The following PRUNE2 variants were observed in gnomAD, a reference collection of about 807,000 sequenced individuals.
PRUNE2 encodes the protein prune homolog 2 with BCH domain, also known as protein prune homolog 2.
A neutral mutation model predicts 252.0 loss-of-function variants in PRUNE2; 164 were observed. The observed-to-expected ratio is 0.65, with a 90% CI of 0.57 to 0.74. The LOEUF is 0.74. PRUNE2 is among the 30% of genes least tolerant of loss of function. PRUNE2 has a pLI of 0.00. For synonymous variants in PRUNE2, 1,292 were observed against 1,350.2 expected (o/e 0.96, Z 0.94); for missense variants, 3,495 against 3,711.0 (o/e 0.94, Z 1.51).
At position 76,636,531 on chromosome 9, in the gene PRUNE2, A is replaced by T; in HGVS notation, c.8990T>A (p.Ile2997Asn). 1 of 1,555,366 alleles carries T rather than the reference A, an allele frequency of 6.4e-7. No homozygotes were observed. Among genetic ancestry groups the T allele is most frequent in the East Asian group, 2.4e-5 (1 of 42,102 alleles). Residue 2997 changes from isoleucine (I) to asparagine (N), a missense_variant, in exon 15 of 19, where the codon ATC (isoleucine) becomes AAC (asparagine). Coordinates refer to ENST00000376718, the MANE Select transcript of PRUNE2 (RefSeq NM_015225.3). ...RRLRKNLKSF[I>N]IVHPSWFIRT... The stretch of plus-strand genomic sequence containing the variant: ...GATGAACCAAGATGGATGAACAATG[A>T]TGAATGATTTCAAATTCTTCCTCAA...
rs1157834876 is a variant in PRUNE2 at position 76,706,808 on chromosome 9, G to C, written c.5466C>G (p.Phe1822Leu). Reference protein sequence around the residue: ...EDNSQLEMLGFSADSTEWWKA... With the variant: ...EDNSQLEMLGLSADSTEWWKA... ...TCCACCACTCAGTGCTATCAGCTGA[G>C]AAGCCCAGCATTTCCAGTTGAGAAT... The change falls in exon 8 of 19, where the codon TTC (phenylalanine) becomes TTG (leucine). Residue 1822 changes from phenylalanine to leucine, a missense_variant. Phe to Leu is a conservative substitution (Grantham distance 22). Coordinates refer to ENST00000376718, the MANE Select transcript of PRUNE2 (RefSeq NM_015225.3). 6.2e-7 allele frequency: 1 copy of C among 1,603,570 alleles called. No homozygotes were observed. Among genetic ancestry groups the C allele is most frequent in the Non-Finnish European group, 8.5e-7 (1 of 1,175,096 alleles).
intron 6 of PRUNE2, among the ~76,000 whole-genome samples, chr9:76,773,966 G>A (rs989686637): frequency 6.6e-6 from 1 of 152,036 alleles, no homozygotes. Flanking sequence ...AAAACTAAAC[G>A]AAATGACTCT....
intron 6 of PRUNE2, 125 bp from the exon 7 acceptor site, chr9:76,713,846 T>A: frequency 1.7e-6 from 1 of 600,444 alleles, no homozygotes; most frequent in Non-Finnish European, 2.7e-6. Flanking sequence ...GCAAGTGAAA[T>A]ACAGTTTGCT....
intron 1 of PRUNE2, among the ~76,000 whole-genome samples, chr9:76,889,567 G>A (rs964292214): frequency 2.6e-5 from 4 of 151,964 alleles, no homozygotes; most frequent in Non-Finnish European, 5.9e-5. Context: ...TGATCTTCCC[G>A]CCTCAGCCTC....
intron 9 of PRUNE2, among the ~76,000 whole-genome samples, chr9:76,693,338 T>G (rs2044991943): frequency 6.6e-6 from 1 of 151,844 alleles, no homozygotes; most frequent in African/African-American, 2.4e-5. Context: ...GATGGGCAAT[T>G]TTAGGTAATC....
chr9:76,887,436 C>T (rs2062170315), intron 1 of PRUNE2, among the ~76,000 whole-genome samples: 1 of 152,188 alleles, frequency 6.6e-6, no homozygotes, highest in South Asian at 2.1e-4. Flanking sequence ...TAGCTCTCAC[C>T]ACGTAGCAGA....
At chr9:76,848,788 A>G (rs2059799373) in intron 3 of PRUNE2, among the ~76,000 whole-genome samples, 1 of 152,252 alleles carries the variant, frequency 6.6e-6, no homozygotes, top group Non-Finnish European at 1.5e-5. Context: ...AGATTCTTGC[A>G]TGAGTTAGCA....
intron 9 of PRUNE2, chr9:76,692,685 G>T (rs1588628313): frequency 6.5e-6 from 1 of 154,350 alleles, no homozygotes; most frequent in East Asian, 1.9e-4. Context: ...AAGTTAACCT[G>T]TGGACCCTGC....
chr9:76,676,903 T>C (rs951620563), intron 9 of PRUNE2, among the ~76,000 whole-genome samples: 1 of 152,228 alleles, frequency 6.6e-6, no homozygotes, highest in Non-Finnish European at 1.5e-5. Flanking sequence ...AAACCCGAGC[T>C]CAGATTAATC....
intron 4 of PRUNE2, among the ~76,000 whole-genome samples, chr9:76,840,735 C>T (rs1276033472): frequency 6.6e-6 from 1 of 152,130 alleles, no homozygotes; most frequent in Non-Finnish European, 1.5e-5. Context: ...AATCCCAGCA[C>T]TTTGGGAGGC....
chr9:76,617,142 G>A (rs962350859), intron 18 of PRUNE2, among the ~76,000 whole-genome samples: 2 of 152,206 alleles, frequency 1.3e-5, no homozygotes, highest in East Asian at 3.9e-4. Flanking sequence ...CCATTTTTGT[G>A]TCTAACACGT....
In PRUNE2 at chr9:76,837,378, A is replaced by C. The variant is rs552009853; in HGVS notation, c.508+9137T>G. 1.6e-4 allele frequency among the ~76,000 whole-genome samples: 24 copies of C among 151,756 alleles called. No homozygotes were observed. In the East Asian group the frequency reaches 3.3e-3, roughly 21 times the overall value. ...AATTGCTTGAACCCGGGAGGCAGAG[A>C]TTGCAGTGAGCCAAGATTGTGCCAT... is the stretch of plus-strand genomic sequence containing the variant. On this transcript the variant is annotated intron_variant, in intron 4 of 18. Coordinates refer to ENST00000376718, the MANE Select transcript of PRUNE2 (RefSeq NM_015225.3).
chr9:76,637,493 A>C lies in PRUNE2; in HGVS notation c.8888T>G (p.Leu2963Trp). 1 of 1,613,458 alleles carries C rather than the reference A, an allele frequency of 6.2e-7. No individual in the cohort carries two copies. The highest frequency in any genetic ancestry group is 8.5e-7 in the Non-Finnish European group (1 of 1,179,560). Reference sequence around the variant, plus strand: ...CCTCCTTCTTGGGGTTGCACCATTCAAGTACACAATCATATAGTCTTCAGC... The same window carrying C: ...CCTCCTTCTTGGGGTTGCACCATTCCAGTACACAATCATATAGTCTTCAGC... ...MVAEDYMIVYLNGATPRRRMP... is the reference protein window; with the variant it reads ...MVAEDYMIVYWNGATPRRRMP... Residue 2963 changes from leucine to tryptophan, a missense_variant, in exon 14 of 19, where the codon TTG becomes TGG. Transcript: ENST00000376718.
rs565215829 is a variant in PRUNE2, at chr9:76,877,362, C to T, written c.37-23154G>A. Among the ~76,000 whole-genome samples, 300 of 152,068 alleles carry T rather than the reference C, an allele frequency of 2.0e-3. 3 individuals are homozygous for T. Among genetic ancestry groups the T allele is most frequent in the Middle Eastern group, 0.01 (3 of 294 alleles). On this transcript the variant is annotated intron_variant, in intron 1 of 18. Transcript: ENST00000376718. ...TCTACTAAAAATACAAAAAATTAGC[C>T]GGGTGTGGTGGCAGTCACCTGTAGT... is the stretch of plus-strand genomic sequence containing the variant.
chr9:76,665,621 A>G (rs1284121798), intron 9 of PRUNE2, among the ~76,000 whole-genome samples: 2 of 152,218 alleles, frequency 1.3e-5, no homozygotes, highest in Non-Finnish European at 2.9e-5. Context: ...GGCTCAGCAC[A>G]TGGTGGAGAT....
chr9:76,845,640 C>T (rs1029735262), intron 4 of PRUNE2, among the ~76,000 whole-genome samples: 1 of 152,194 alleles, frequency 6.6e-6, no homozygotes, highest in African/African-American at 2.4e-5. Flanking sequence ...AGGACAGAGT[C>T]CTTAAAAGAG....
At chr9:76,815,403 G>A (rs531033397) in intron 6 of PRUNE2, among the ~76,000 whole-genome samples, 31 of 152,200 alleles carry the variant, frequency 2.0e-4, no homozygotes, top group African/African-American at 4.6e-4. Context: ...TCAAGGAGCC[G>A]GTGGAACTGG....
At position 76,783,610 on chromosome 9, in the gene PRUNE2, G is replaced by A. The variant is rs529317427; in HGVS notation, c.756+40022C>T. On this transcript the variant is annotated intron_variant, in intron 6 of 18. Transcript: ENST00000376718. Reference sequence around the variant, plus strand: ...AACAGAGAGGGTGTTTGTGATGCTCGGAAACCAATAATATTGTGTGTAGCT... The same window carrying A: ...AACAGAGAGGGTGTTTGTGATGCTCAGAAACCAATAATATTGTGTGTAGCT... The A allele has an allele frequency of 7.2e-5, 11 of 152,276 alleles. 2 individuals carry two copies. Among genetic ancestry groups the A allele is most frequent in the South Asian group, 4.2e-4 (2 of 4,818 alleles). The allele number at this position is 152,276 out of a possible 1,614,324, so 9.4% of individuals were successfully genotyped here.
chr9:76,696,208 CT>C (rs1473451638), intron 9 of PRUNE2, among the ~76,000 whole-genome samples: 1 of 152,162 alleles, frequency 6.6e-6, no homozygotes, highest in Non-Finnish European at 1.5e-5. Flanking sequence ...GCCTTTGTTC[CT>C]GAAGAACTCT....
Sources: allele counts gnomAD v4.1 joint callset (sites outside exome capture counted in the v4.1 genomes callset), GRCh38; gene constraint gnomAD v4.1.1; transcripts MANE v1.5; gene names NCBI Gene and HGNC (gene_info 2026-07-23, HGNC 2026-07-21).